Variants in C13orf42 observed in about 807,000 individuals in gnomAD.
The protein encoded by C13orf42 is uncharacterized protein C13orf42.
At chr13:51,155,488 G>C (rs141666120) in intron 1 of C13orf42, among the ~76,000 whole-genome samples, 130 of 152,072 alleles carry the variant, frequency 8.5e-4, no homozygotes, top group African/African-American at 3.0e-3. Context: ...AAGTATGAGC[G>C]CTGGAAACCC....
chr13:51,133,787 G>A (rs759342210), intron 1 of C13orf42, among the ~76,000 whole-genome samples: 83 of 152,278 alleles, frequency 5.5e-4, no homozygotes, highest in Non-Finnish European at 4.4e-4. Flanking sequence ...CTGTGCCACC[G>A]TGTGTCCAAG....
intron 1 of C13orf42, among the ~76,000 whole-genome samples, chr13:51,153,069 C>T (rs1021745779): frequency 6.6e-6 from 1 of 152,224 alleles, no homozygotes; most frequent in African/African-American, 2.4e-5. Flanking sequence ...TAGTGCTCTG[C>T]AGTGGCAATC....
At chr13:51,116,721 G>C (rs1168656933) in intron 1 of C13orf42, among the ~76,000 whole-genome samples, 2 of 152,206 alleles carry the variant, frequency 1.3e-5, no homozygotes, top group Admixed American at 1.3e-4. Context: ...AGACTTCCCT[G>C]GCTTAAAATA....
upstream of C13orf42, among the ~76,000 whole-genome samples, chr13:51,111,955 A>G (rs1702043995): frequency 1.3e-5 from 2 of 152,236 alleles, no homozygotes; most frequent in Admixed American, 6.5e-5. Context: ...AGATATCCGG[A>G]CCACGACTTT....
At chr13:51,136,601 T>C (rs1262214508) in intron 1 of C13orf42, among the ~76,000 whole-genome samples, 1 of 152,126 alleles carries the variant, frequency 6.6e-6, no homozygotes, top group East Asian at 1.9e-4. Context: ...CACCGGGGTG[T>C]GGGACAAACT....
upstream of C13orf42, among the ~76,000 whole-genome samples, chr13:51,116,139 G>C (rs550273708): frequency 1.3e-5 from 2 of 152,224 alleles, no homozygotes; most frequent in East Asian, 3.9e-4. Flanking sequence ...AAATGTACTG[G>C]TGCTTGAGTA....
intron 1 of C13orf42, among the ~76,000 whole-genome samples, chr13:51,141,095 G>GTGT (rs1953692098): frequency 1.2e-3 from 157 of 128,548 alleles, no homozygotes; most frequent in African/African-American, 4.4e-3. Context: ...ATCGAAGGGA[G>GTGT]GTGTGTGTGT....
chr13:51,147,415 G>T (rs1165379528), intron 1 of C13orf42, among the ~76,000 whole-genome samples: 2 of 148,808 alleles, frequency 1.3e-5, no homozygotes, highest in Non-Finnish European at 1.5e-5. Flanking sequence ...ATCCTCCAGG[G>T]CTCTGTGGAC....
chr13:51,141,987 T>C (rs1324986819), intron 1 of C13orf42, among the ~76,000 whole-genome samples: 2 of 152,236 alleles, frequency 1.3e-5, no homozygotes, highest in Non-Finnish European at 2.9e-5. Context: ...GGCAATTTCA[T>C]ACTTATCCCT....
intron 1 of C13orf42, among the ~76,000 whole-genome samples, chr13:51,127,972 A>G (rs1031046530): frequency 3.9e-5 from 6 of 152,150 alleles, no homozygotes; most frequent in African/African-American, 1.4e-4. Context: ...CTTGCTGATA[A>G]AACAGCTTGC....
At chr13:51,138,589 C>T (rs1228156648) in intron 1 of C13orf42, among the ~76,000 whole-genome samples, 4 of 152,020 alleles carry the variant, frequency 2.6e-5, no homozygotes, top group African/African-American at 9.7e-5. Flanking sequence ...CAAAGACGAT[C>T]GGTGTTGGCA....
chr13:51,086,513 AGT>A (rs138993415), intron 2 of C13orf42, among the ~76,000 whole-genome samples: 6,094 of 150,470 alleles, frequency 0.04, 384 homozygotes, highest in African/African-American at 0.14. Flanking sequence ...TGAGAGAGAG[AGT>A]GTGTGTGTGT....
chr13:51,121,231 A>C (rs950472260), intron 1 of C13orf42, among the ~76,000 whole-genome samples: 3 of 152,158 alleles, frequency 2.0e-5, no homozygotes, highest in African/African-American at 7.2e-5. Context: ...CCAGAGACCT[A>C]GAACGGTGCC....
chr13:51,161,349 T>G (rs1459161913), intron 1 of C13orf42, among the ~76,000 whole-genome samples: 5 of 151,970 alleles, frequency 3.3e-5, no homozygotes, highest in Admixed American at 6.5e-5. Flanking sequence ...ATATGAAGCA[T>G]GTCTTTTTAG....
intron 1 of C13orf42, among the ~76,000 whole-genome samples, chr13:51,122,841 G>C (rs1263163862): frequency 6.6e-6 from 1 of 152,092 alleles, no homozygotes; most frequent in African/African-American, 2.4e-5. Flanking sequence ...TATCATGTTA[G>C]AAACAATTTT....
upstream of C13orf42, among the ~76,000 whole-genome samples, chr13:51,115,360 G>A (rs184899912): frequency 3.3e-5 from 5 of 152,234 alleles, no homozygotes; most frequent in East Asian, 3.9e-4. Context: ...ACCTGCTTAC[G>A]GGGCATTTGA....
intron 1 of C13orf42, among the ~76,000 whole-genome samples, chr13:51,154,230 T>C (rs529400521): frequency 4.1e-4 from 62 of 152,334 alleles, no homozygotes; most frequent in African/African-American, 1.5e-3. Context: ...TGTTTATCCA[T>C]TCATCTGTAG....
chr13:51,138,364 AAAAAC>A (rs2138027876), intron 1 of C13orf42, among the ~76,000 whole-genome samples: 1 of 152,332 alleles, frequency 6.6e-6, no homozygotes, highest in East Asian at 1.9e-4. Flanking sequence ...CTCAATAGCC[AAAAAC>A]AAAAACAAAA....
At chr13:51,153,055 G>A (rs1262174697) in intron 1 of C13orf42, among the ~76,000 whole-genome samples, 2 of 152,302 alleles carry the variant, frequency 1.3e-5, no homozygotes, top group East Asian at 3.9e-4. Flanking sequence ...AAGGGATTGA[G>A]GTTTAGTGCT....
Sources: allele counts gnomAD v4.1 joint callset (sites outside exome capture counted in the v4.1 genomes callset), GRCh38; gene constraint gnomAD v4.1.1; transcripts MANE v1.5; gene names NCBI Gene and HGNC (gene_info 2026-07-23, HGNC 2026-07-21).